Variants in CDC14B observed in about 807,000 individuals in gnomAD.
The protein encoded by CDC14B is dual specificity protein phosphatase CDC14B.
Under a neutral mutation model 64.2 loss-of-function variants are expected in CDC14B, and 22 were observed. The observed-to-expected ratio is 0.34, with a 90% CI of 0.24 to 0.49. The LOEUF (loss-of-function observed/expected upper bound fraction) is 0.49, where lower values mean the gene tolerates loss of function less well. Ranked by LOEUF, CDC14B falls within the 20% of genes least tolerant of loss-of-function variation. CDC14B has a pLI of 0.99. For synonymous variants in CDC14B, 191 were observed against 215.8 expected (o/e 0.89, Z 1.01); for missense variants, 498 against 629.9 (o/e 0.79, Z 2.24).
chr9:96,616,268 G>A (rs1287165920), intron 1 of CDC14B, among the ~76,000 whole-genome samples: 3 of 151,996 alleles, frequency 2.0e-5, no homozygotes, highest in African/African-American at 2.4e-5. Flanking sequence ...AGAGGTTGTG[G>A]TGAGCCGAGA....
chr9:96,576,926 C>T (rs1200255149), intron 1 of CDC14B, among the ~76,000 whole-genome samples: 1 of 152,136 alleles, frequency 6.6e-6, no homozygotes, highest in Admixed American at 6.6e-5. Context: ...AAACCATACA[C>T]ATAGACCATG....
chr9:96,555,220 T>G (rs1434882542), intron 4 of CDC14B, among the ~76,000 whole-genome samples: 1 of 152,074 alleles, frequency 6.6e-6, no homozygotes, highest in Non-Finnish European at 1.5e-5. Context: ...TAATAGGGTG[T>G]GATTTCAGAG....
At chr9:96,607,776 G>C in intron 1 of CDC14B, among the ~76,000 whole-genome samples, 1 of 152,116 alleles carries the variant, frequency 6.6e-6, no homozygotes, top group Admixed American at 6.5e-5. Context: ...ATGTGGGACG[G>C]GTCTGGGGAA....
At chr9:96,608,851 C>G (rs1036232938) in intron 1 of CDC14B, among the ~76,000 whole-genome samples, 3 of 150,770 alleles carry the variant, frequency 2.0e-5, no homozygotes, top group African/African-American at 7.3e-5. Flanking sequence ...AGTTACATAC[C>G]AAAATGACAC....
intron 9 of CDC14B, among the ~76,000 whole-genome samples, chr9:96,528,867 G>A (rs1046735617): frequency 6.6e-6 from 1 of 152,284 alleles, no homozygotes; most frequent in East Asian, 1.9e-4. Context: ...CAAAAATGCT[G>A]AGAACTTTAC....
At chr9:96,495,721 A>G (rs1833213466), downstream of CDC14B, among the ~76,000 whole-genome samples, 1 of 152,176 alleles carries the variant, frequency 6.6e-6, no homozygotes, top group Admixed American at 6.5e-5. Flanking sequence ...CCTATGAGGG[A>G]CATGCTTGGG....
rs373297896 is a variant in CDC14B, at chr9:96,583,769, A to T, written c.161-18286T>A. 2.6e-4 allele frequency among the ~76,000 whole-genome samples: 39 copies of T among 151,644 alleles called. 1 individual carries two copies. The South Asian group carries it at 8.1e-3, about 32-fold the overall frequency. On this transcript the variant is annotated intron_variant, in intron 1 of 13. Coordinates refer to ENST00000375241, the MANE Select transcript of CDC14B (RefSeq NM_033331.4). ...AGTCTCGCTCTGTCGCCCAGGCTGG[A>T]GTGCAGTGGCGCGATCTAGGCTCCC...
intron 1 of CDC14B, among the ~76,000 whole-genome samples, chr9:96,586,052 G>A (rs895167225): frequency 1.3e-5 from 2 of 152,116 alleles, no homozygotes; most frequent in Non-Finnish European, 2.9e-5. Flanking sequence ...AGATGCTTGG[G>A]GTAGTGGGAT....
chr9:96,543,123 TGAG>T (rs2131886883), intron 5 of CDC14B, among the ~76,000 whole-genome samples: 1 of 152,244 alleles, frequency 6.6e-6, no homozygotes, highest in Non-Finnish European at 1.5e-5. Context: ...GATCACAAGG[TGAG>T]GAGATCGAGA....
In CDC14B at chr9:96,562,745, C is replaced by G; in HGVS notation, c.368G>C (p.Gly123Ala). Residue 123 changes from glycine (G) to alanine (A), a missense_variant, in exon 4 of 14, where the codon GGC (glycine) becomes GCC (alanine). Coordinates refer to ENST00000375241, the MANE Select transcript of CDC14B (RefSeq NM_033331.4). The stretch of plus-strand genomic sequence containing the variant: ...ATTTGCTTGTTTTCTCTGATCAGAG[C>G]CAGTAAAATGAACAATTTTCTTCCT... Reference protein sequence around the residue: ...MLRKKIVHFTGSDQRKQANAA... With the variant: ...MLRKKIVHFTASDQRKQANAA... 6.2e-7 allele frequency: 1 copy of G among 1,611,408 alleles called. No homozygotes were observed. The highest frequency in any genetic ancestry group is 8.5e-7 in the Non-Finnish European group (1 of 1,177,650).
rs78143306 is a variant in CDC14B at position 96,505,738 on chromosome 9, C to A, written c.1461-1949G>T. Reference sequence around the variant, plus strand: ...ACTCAGGGAAGGGAATGAGAAGGTGCCACACAGAGCCCTGGCAGGACCGAG... The same window carrying A: ...ACTCAGGGAAGGGAATGAGAAGGTGACACACAGAGCCCTGGCAGGACCGAG... On this transcript the variant is annotated intron_variant, in intron 13 of 13. Coordinates refer to ENST00000375241, the MANE Select transcript of CDC14B (RefSeq NM_033331.4). Among the ~76,000 whole-genome samples the A allele has an allele frequency of 7.2e-3, 1,101 of 152,308 alleles. 47 individuals carry two copies. In the East Asian group the frequency reaches 0.12, roughly 16 times the overall value.
At chr9:96,578,871 T>C (rs1844966326) in intron 1 of CDC14B, among the ~76,000 whole-genome samples, 2 of 152,188 alleles carry the variant, frequency 1.3e-5, no homozygotes, top group South Asian at 4.1e-4. Flanking sequence ...CAGGCTGGAG[T>C]GCAATGCCGC....
intron 3 of CDC14B, among the ~76,000 whole-genome samples, chr9:96,563,136 A>G (rs979689597): frequency 2.6e-5 from 4 of 152,206 alleles, no homozygotes; most frequent in African/African-American, 9.6e-5. Context: ...GTTAAAATAA[A>G]AAGGTATACA....
intron 4 of CDC14B, among the ~76,000 whole-genome samples, chr9:96,560,989 T>G (rs1042135365): frequency 2.6e-5 from 4 of 152,132 alleles, no homozygotes; most frequent in Admixed American, 2.6e-4. Context: ...CAGGCTGGAG[T>G]GCAGTGGCAC....
chr9:96,536,934 CAT>C (rs1491246918), intron 7 of CDC14B, among the ~76,000 whole-genome samples: 1 of 152,108 alleles, frequency 6.6e-6, no homozygotes, highest in Non-Finnish European at 1.5e-5. Context: ...TGTTAAAAAA[CAT>C]AGAACACACC....
intron 1 of CDC14B, among the ~76,000 whole-genome samples, chr9:96,568,138 C>T (rs1455237687): frequency 1.3e-5 from 2 of 152,146 alleles, no homozygotes; most frequent in Admixed American, 6.5e-5. Context: ...AAAAGTGTTA[C>T]TTTATACATA....
intron 1 of CDC14B, among the ~76,000 whole-genome samples, chr9:96,603,191 CAA>C (rs1266728818): frequency 1.3e-5 from 2 of 150,458 alleles, no homozygotes; most frequent in East Asian, 1.9e-4. Context: ...CACACACACA[CAA>C]ATACACAAAA....
intron 10 of CDC14B, 36 bp downstream of exon 10, chr9:96,523,551 G>C (rs758123063): frequency 6.2e-7 from 1 of 1,612,882 alleles, no homozygotes; most frequent in South Asian, 1.1e-5. Context: ...AACCCCACAT[G>C]TTCCCTGGGA....
chr9:96,553,504 G>A (rs867710505), intron 4 of CDC14B, among the ~76,000 whole-genome samples: 40 of 151,730 alleles, frequency 2.6e-4, no homozygotes, highest in African/African-American at 8.2e-4. Flanking sequence ...AACTATAGGC[G>A]TGCACCACCA....
Sources: allele counts gnomAD v4.1 joint callset (sites outside exome capture counted in the v4.1 genomes callset), GRCh38; gene constraint gnomAD v4.1.1; transcripts MANE v1.5; gene names NCBI Gene and HGNC (gene_info 2026-07-23, HGNC 2026-07-21).